Variants in TENM1 observed in about 807,000 individuals in gnomAD.
TENM1 encodes the protein teneurin-1.
A neutral mutation model predicts 174.8 loss-of-function variants in TENM1; 35 were observed. The ratio of observed to expected loss-of-function variants is 0.20; its 90% CI spans 0.15 to 0.27. TENM1 has a LOEUF of 0.27. Ranked by LOEUF, TENM1 falls within the 10% of genes least tolerant of loss-of-function variation. The probability of loss-of-function intolerance (pLI) is 1.00; values close to 1 mark genes in which losing one functional copy is unlikely to be tolerated. For synonymous variants in TENM1, 781 were observed against 798.7 expected, an observed-to-expected ratio of 0.98 and a Z score of 0.37; for missense variants, 1,633 against 2,130.1, an observed-to-expected ratio of 0.77 and a Z score of 4.59.
chrX:124,395,236 C>T (rs1196650037), intron 27 of TENM1, among the ~76,000 whole-genome samples: 1 of 111,464 alleles, frequency 9.0e-6, no homozygotes. Flanking sequence ...TATTTGATTA[C>T]TACTGAGGCT....
At chrX:124,484,804 T>G (rs1307110823) in intron 21 of TENM1, among the ~76,000 whole-genome samples, 1 of 110,545 alleles carries the variant, frequency 9.0e-6, no homozygotes, top group Non-Finnish European at 1.9e-5. Context: ...GAGAATGGTA[T>G]TAGAAACCAA....
At chrX:125,115,510 C>T in the TENM1 span, among the ~76,000 whole-genome samples, 8 of 111,536 alleles carry the variant, frequency 7.2e-5, no homozygotes, top group South Asian at 2.3e-3. Context: ...AGCCCAAAAT[C>T]TCCTTAAGCT....
chrX:124,582,955 T>C (rs1280457178), intron 11 of TENM1, among the ~76,000 whole-genome samples: 2 of 112,196 alleles, frequency 1.8e-5, no homozygotes, highest in Non-Finnish European at 3.8e-5. Context: ...TGAGATCAAA[T>C]TGCAAGACTG....
intron 3 of TENM1, among the ~76,000 whole-genome samples, chrX:124,821,995 T>C (rs2056049337): frequency 8.9e-6 from 1 of 112,092 alleles, no homozygotes; most frequent in African/African-American, 3.2e-5. Context: ...CAGAGACTAT[T>C]AGCTATCCAC....
At chrX:124,452,215 T>C (rs1300058812) in intron 23 of TENM1, among the ~76,000 whole-genome samples, 1 of 112,538 alleles carries the variant, frequency 8.9e-6, no homozygotes, top group Non-Finnish European at 1.9e-5. Flanking sequence ...GCAAAGGATA[T>C]GAACAGACAC....
At chrX:124,498,282 A>G (rs2047247380) in intron 19 of TENM1, among the ~76,000 whole-genome samples, 1 of 110,819 alleles carries the variant, frequency 9.0e-6, no homozygotes, top group South Asian at 3.9e-4. Flanking sequence ...CTATTCCTAC[A>G]TTAGTTTAGT....
At chrX:124,724,701 T>A (rs939682667) in intron 4 of TENM1, among the ~76,000 whole-genome samples, 13 of 111,613 alleles carry the variant, frequency 1.2e-4, no homozygotes, top group African/African-American at 4.2e-4. Flanking sequence ...CAGGCTGAGG[T>A]GGGAGGATCC....
chrX:124,755,075 G>A (rs2054194292), intron 3 of TENM1, among the ~76,000 whole-genome samples: 1 of 101,076 alleles, frequency 9.9e-6, no homozygotes, highest in Non-Finnish European at 1.9e-5. Context: ...TCTGTCTAAT[G>A]TTGACAGTGG....
At chrX:124,613,863 G>C (rs751646839) in intron 11 of TENM1, among the ~76,000 whole-genome samples, 1 of 111,183 alleles carries the variant, frequency 9.0e-6, no homozygotes, top group Non-Finnish European at 1.9e-5. Context: ...GGGGTGAAAA[G>C]TCTACTGGGC....
At chrX:124,996,718 C>T in the TENM1 span, among the ~76,000 whole-genome samples, 2 of 110,876 alleles carry the variant, frequency 1.8e-5, no homozygotes, top group Non-Finnish European at 3.8e-5. Flanking sequence ...GAAGGTACAG[C>T]AGGCTAATCA....
intron 3 of TENM1, among the ~76,000 whole-genome samples, chrX:124,767,492 T>A (rs182373082): frequency 8.9e-6 from 1 of 111,864 alleles, no homozygotes; most frequent in African/African-American, 3.2e-5. Context: ...CTTGGGCAAA[T>A]GCAAAAATAC....
chrX:125,029,827 G>A, the TENM1 span, among the ~76,000 whole-genome samples: 3,673 of 111,210 alleles, frequency 0.033, 171 homozygotes, highest in African/African-American at 0.11. Context: ...CAGTTGACAC[G>A]TGGCCCAATC....
intron 2 of TENM1, 44 bp downstream of exon 5, chrX:124,895,937 C>A: frequency 8.4e-7 from 1 of 1,191,220 alleles, no homozygotes; most frequent in Admixed American, 2.2e-5. Context: ...CTAAAAACTG[C>A]ATTCTTTCTG....
chrX:124,756,279 C>T (rs979418480), intron 3 of TENM1, among the ~76,000 whole-genome samples: 1 of 103,853 alleles, frequency 9.6e-6, no homozygotes, highest in African/African-American at 3.9e-5. Context: ...CAGTTGATCG[C>T]ATCGGCTCCT....
chrX:124,991,489 GGAGAGAGACAGAGAGAGACAGAGAGACA>G, the TENM1 span, among the ~76,000 whole-genome samples: 3 of 108,916 alleles, frequency 2.8e-5, no homozygotes, highest in Non-Finnish European at 5.7e-5. Flanking sequence ...GGGGAGAGAG[GGAGAGAGACAGAGAGAGACAGAGAGACA>G]GAGAGAGACA....
chrX:124,565,627 A>C (rs1253627456), intron 11 of TENM1, 67 bp from the exon 15 acceptor site: 3 of 777,830 alleles, frequency 3.9e-6, no homozygotes, highest in Non-Finnish European at 5.2e-6. Flanking sequence ...CTTCCAAAAA[A>C]CATTATAATT....
chrX:124,793,708 A>G (rs2055236391), intron 3 of TENM1, among the ~76,000 whole-genome samples: 1 of 111,347 alleles, frequency 9.0e-6, no homozygotes, highest in African/African-American at 3.3e-5. Context: ...CTTTCTGCAG[A>G]GAACTACATG....
intron 1 of TENM1, among the ~76,000 whole-genome samples, chrX:124,961,174 A>G (rs1056398470): frequency 8.9e-6 from 1 of 112,221 alleles, no homozygotes; most frequent in Admixed American, 9.4e-5. Flanking sequence ...TATTTAAAGA[A>G]TAGTTTTCAA....
the TENM1 span, among the ~76,000 whole-genome samples, chrX:125,178,366 T>C: frequency 9.0e-6 from 1 of 111,408 alleles, no homozygotes; most frequent in Admixed American, 9.6e-5. Context: ...GTCTATCAAT[T>C]TAATCCTTTT....
Sources: allele counts gnomAD v4.1 joint callset (sites outside exome capture counted in the v4.1 genomes callset), GRCh38; gene constraint gnomAD v4.1.1; transcripts MANE v1.5; gene names NCBI Gene and HGNC (gene_info 2026-07-23, HGNC 2026-07-21).